Variants in DPP6 observed in about 807,000 individuals in gnomAD.
DPP6 encodes the protein A-type potassium channel modulatory protein DPP6.
In DPP6, 69 loss-of-function variants were observed where a neutral mutation model predicts 122.6. The observed-to-expected ratio is 0.56, with a 90% CI of 0.46 to 0.69. The LOEUF is 0.69. Ranked by LOEUF, DPP6 falls within the 30% of genes least tolerant of loss-of-function variation. The probability of loss-of-function intolerance (pLI) is 0.00; values close to 1 mark genes in which losing one functional copy is unlikely to be tolerated. For synonymous variants in DPP6, 418 were observed against 433.1 expected (o/e 0.97, Z 0.43); for missense variants, 928 against 1,116.9 (o/e 0.83, Z 2.41).
chr7:154,140,632 A>G (rs1795797727), intron 1 of DPP6, among the ~76,000 whole-genome samples: 1 of 152,176 alleles, frequency 6.6e-6, no homozygotes, highest in Non-Finnish European at 1.5e-5. Context: ...GGAATCCTTT[A>G]AAGTACAAGG....
chr7:153,986,485 A>T (rs10234170), intron 1 of DPP6, among the ~76,000 whole-genome samples: 1,986 of 152,284 alleles, frequency 0.013, 46 homozygotes, highest in African/African-American at 0.046. Flanking sequence ...TTAAGAAAAG[A>T]CTAGGCAAAT....
At chr7:154,234,385 G>A (rs559733001) in intron 1 of DPP6, among the ~76,000 whole-genome samples, 6 of 152,074 alleles carry the variant, frequency 3.9e-5, no homozygotes, top group Non-Finnish European at 8.8e-5. Context: ...AAATTCCAAG[G>A]ACAACTGGCC....
intron 1 of DPP6, among the ~76,000 whole-genome samples, chr7:154,045,655 G>A (rs995325078): frequency 2.0e-5 from 3 of 152,344 alleles, no homozygotes; most frequent in Non-Finnish European, 4.4e-5. Flanking sequence ...ACATTTGCAA[G>A]CTAGTGGTTT....
At chr7:154,240,537 A>G (rs959876409) in intron 1 of DPP6, among the ~76,000 whole-genome samples, 2 of 152,184 alleles carry the variant, frequency 1.3e-5, no homozygotes, top group African/African-American at 4.8e-5. Context: ...AATAACTGCT[A>G]AGCTATTATA....
chr7:153,833,091 A>G, the DPP6 span, among the ~76,000 whole-genome samples: 1 of 152,214 alleles, frequency 6.6e-6, no homozygotes, highest in Admixed American at 6.5e-5. Flanking sequence ...GCTACATGGT[A>G]TCTCTGGTTG....
rs1467865041 is a variant in DPP6, at chr7:153,928,395, C to CTT, written c.51+40661_51+40662insTT. ...CCTGGCTAATTTTTTTCTTTTCTTT[C>CTT]ATTTTTTTTTTTTTTTTTTTTTTTT... On this transcript the variant is annotated intron_variant, in intron 1 of 25. Transcript: ENST00000404039. Among the ~76,000 whole-genome samples, 185 of 29,950 alleles carry CTT rather than the reference C, an allele frequency of 6.2e-3. 5 individuals are homozygous for CTT. The highest frequency in any genetic ancestry group is 0.023 in the African/African-American group (172 of 7,464). 19.6% of individuals were successfully genotyped at this position (29,950 alleles called of 152,430 possible).
chr7:154,571,897 C>T (rs544577466), intron 5 of DPP6, among the ~76,000 whole-genome samples: 8 of 152,286 alleles, frequency 5.3e-5, no homozygotes, highest in Non-Finnish European at 1.0e-4. Context: ...TTCTGCTGGT[C>T]GGAAATCTGG....
At chr7:154,807,846 A>T (rs1224092117) in intron 16 of DPP6, among the ~76,000 whole-genome samples, 1 of 152,138 alleles carries the variant, frequency 6.6e-6, no homozygotes, top group South Asian at 2.1e-4. Context: ...GAAAAAAAGG[A>T]TTGAGGTTAT....
At chr7:154,665,097 A>G (rs1202994428) in intron 6 of DPP6, among the ~76,000 whole-genome samples, 1 of 152,108 alleles carries the variant, frequency 6.6e-6, no homozygotes, top group Admixed American at 6.5e-5. Flanking sequence ...ATGACCTTGC[A>G]CTTTTGAGGA....
chr7:154,069,008 CAG>C (rs1227988212), intron 1 of DPP6, among the ~76,000 whole-genome samples: 1 of 37,856 alleles, frequency 2.6e-5, no homozygotes, highest in Non-Finnish European at 4.7e-5. Flanking sequence ...TTTTATGAGA[CAG>C]ATAAAAACCC....
At chr7:153,864,818 G>T in the DPP6 span, among the ~76,000 whole-genome samples, 2 of 152,000 alleles carry the variant, frequency 1.3e-5, no homozygotes, top group Non-Finnish European at 1.5e-5. Flanking sequence ...TAAACATGCA[G>T]GCTTTACTCT....
rs553967369 is a variant in DPP6, at chr7:154,799,773, C to T, written c.1300-1582C>T. On this transcript the variant is annotated intron_variant, in intron 12 of 25. Coordinates refer to ENST00000377770, the MANE Select transcript of DPP6 (RefSeq NM_130797.4). Reference sequence around the variant, plus strand: ...TTCTGTTATCCAGAGAGACTAGAAACGCTTCCCCCAAAATCAAATGAGAGA... The same window carrying T: ...TTCTGTTATCCAGAGAGACTAGAAATGCTTCCCCCAAAATCAAATGAGAGA... Among the ~76,000 whole-genome samples the T allele has an allele frequency of 2.6e-5, 4 of 152,282 alleles. No individual in the cohort carries two copies. In the South Asian group the frequency reaches 8.3e-4, roughly 32 times the overall value.
At chr7:154,504,013 G>A (rs1034499417) in intron 3 of DPP6, among the ~76,000 whole-genome samples, 13 of 152,272 alleles carry the variant, frequency 8.5e-5, no homozygotes, top group Admixed American at 8.5e-4. Flanking sequence ...AAACAACAAA[G>A]TATCCTTTTA....
intron 7 of DPP6, among the ~76,000 whole-genome samples, chr7:154,720,675 T>G (rs3807263): frequency 0.086 from 13,153 of 152,298 alleles, 871 homozygotes; most frequent in Admixed American, 0.19. Context: ...AGGGCCCCAG[T>G]GCCACAGTTG....
rs10261910 is a variant in DPP6, at chr7:154,422,849, G to A, written c.244-23365G>A. 4.8e-3 allele frequency among the ~76,000 whole-genome samples: 730 copies of A among 152,266 alleles called. 7 individuals carry two copies. Among genetic ancestry groups the A allele is most frequent in the African/African-American group, 0.017 (692 of 41,532 alleles). ...CAGGCAACAACATTTAGCCAGAAAA[G>A]ACAGATCCAGAGCAGGGTCTCCCAG... is the stretch of plus-strand genomic sequence containing the variant. On this transcript the variant is annotated intron_variant, in intron 1 of 25. Transcript: ENST00000377770.
At chr7:154,593,653 G>A (rs1473168099) in intron 5 of DPP6, among the ~76,000 whole-genome samples, 2 of 152,196 alleles carry the variant, frequency 1.3e-5, no homozygotes. Context: ...CAGCCCCGGA[G>A]CCCCAGTCCT....
the DPP6 span, among the ~76,000 whole-genome samples, chr7:153,799,919 C>T: frequency 3.3e-5 from 5 of 152,074 alleles, no homozygotes; most frequent in Non-Finnish European, 7.4e-5. Context: ...CAAAAAATAG[C>T]ATATCTGGCA....
intron 7 of DPP6, among the ~76,000 whole-genome samples, chr7:154,675,836 A>G (rs1213882665): frequency 6.6e-6 from 1 of 152,182 alleles, no homozygotes; most frequent in Non-Finnish European, 1.5e-5. Flanking sequence ...TCTCCTGTCC[A>G]CAGCAGGGGC....
rs74427253 is a variant in DPP6 at position 154,410,021 on chromosome 7, A to G, written c.244-36193A>G. Reference sequence around the variant, plus strand: ...TACAGTCATTCTCTGTTCTTTTCACATTTATGATGCTAATAAAAGAAGGAA... The same window carrying G: ...TACAGTCATTCTCTGTTCTTTTCACGTTTATGATGCTAATAAAAGAAGGAA... On this transcript the variant is annotated intron_variant, in intron 1 of 25. Transcript: ENST00000377770. Among the ~76,000 whole-genome samples, 724 of 152,352 alleles carry G rather than the reference A, an allele frequency of 4.8e-3. 5 individuals are homozygous for G. The highest frequency in any genetic ancestry group is 0.017 in the African/African-American group (689 of 41,580).
Sources: gnomAD v4.1 joint callset for allele counts (sites outside exome capture counted in the v4.1 genomes callset) on GRCh38, gnomAD v4.1.1 for gene constraint, MANE v1.5 for transcripts, NCBI Gene and HGNC (gene_info 2026-07-23, HGNC 2026-07-21) for gene names.